Variants in CENPP observed in about 807,000 individuals in gnomAD.
The protein encoded by CENPP is centromere protein P.
CENPP carries 24 observed loss-of-function variants against 35.6 expected under a neutral mutation model. The ratio of observed to expected loss-of-function variants is 0.67; its 90% CI spans 0.49 to 0.95. The LOEUF (loss-of-function observed/expected upper bound fraction) is 0.95. Among genes scored for constraint, CENPP ranks in the 40% least tolerant of loss-of-function variants. The pLI is 0.00. For missense variants in CENPP, 332 were observed against 345.3 expected, an observed-to-expected ratio of 0.96 and a Z score of 0.31; for synonymous variants, 120 against 125.5, an observed-to-expected ratio of 0.96 and a Z score of 0.29.
chr9:92,393,237 G>C (rs769979522), intron 5 of CENPP: 1 of 1,565,902 alleles, frequency 6.4e-7, no homozygotes, highest in Admixed American at 1.9e-5. Context: ...GCAGACACGT[G>C]GGCATTTCTA....
intron 5 of CENPP, among the ~76,000 whole-genome samples, chr9:92,595,057 C>A (rs974214104): frequency 1.3e-5 from 2 of 151,922 alleles, no homozygotes; most frequent in African/African-American, 4.8e-5. Context: ...CCACCAAGCG[C>A]AGCTAATTTT....
At chr9:92,520,933 A>G (rs949884735) in intron 5 of CENPP, among the ~76,000 whole-genome samples, 3 of 152,204 alleles carry the variant, frequency 2.0e-5, no homozygotes, top group Non-Finnish European at 4.4e-5. Flanking sequence ...AGAACAGATT[A>G]GTGGTTGCCA....
At chr9:92,400,300 C>T (rs1843058219) in intron 5 of CENPP, among the ~76,000 whole-genome samples, 1 of 152,144 alleles carries the variant, frequency 6.6e-6, no homozygotes, top group South Asian at 2.1e-4. Flanking sequence ...CAGGCACCTG[C>T]CACCACGCCT....
chr9:92,472,771 G>A (rs1845573925), intron 5 of CENPP, among the ~76,000 whole-genome samples: 1 of 152,150 alleles, frequency 6.6e-6, no homozygotes, highest in Non-Finnish European at 1.5e-5. Flanking sequence ...GTGCAGTTTT[G>A]TTTGTTAGAA....
At chr9:92,390,978 A>C (rs750490997) in intron 5 of CENPP, among the ~76,000 whole-genome samples, 1 of 152,166 alleles carries the variant, frequency 6.6e-6, no homozygotes, top group Non-Finnish European at 1.5e-5. Flanking sequence ...TAAACAGCAA[A>C]ATCAGGCCAG....
At chr9:92,336,967 C>CAA (rs1840949706) in intron 2 of CENPP, among the ~76,000 whole-genome samples, 1 of 152,164 alleles carries the variant, frequency 6.6e-6, no homozygotes, top group Non-Finnish European at 1.5e-5. Context: ...TAACATGACT[C>CAA]AAATTTGTCT....
chr9:92,471,281 C>T lies in CENPP; in HGVS notation c.564+91422C>T, dbSNP rs866213444. On this transcript the variant is annotated intron_variant, in intron 5 of 7. Transcript: ENST00000375587. ...GCATGATCTTGGCTCACTGCAACCT[C>T]GGCCTCCCGGGTTCCAGCAGTTCTC... Among the ~76,000 whole-genome samples, 10 of 151,732 alleles carry T rather than the reference C, an allele frequency of 6.6e-5. No homozygotes were observed. In the South Asian group the frequency reaches 8.3e-4, roughly 13 times the overall value.
chr9:92,587,520 A>T (rs538027190), intron 5 of CENPP, among the ~76,000 whole-genome samples: 2 of 152,338 alleles, frequency 1.3e-5, no homozygotes, highest in African/African-American at 4.8e-5. Flanking sequence ...ATATAATGGA[A>T]TATTATTCAG....
At chr9:92,567,180 A>G (rs533949007) in intron 5 of CENPP, among the ~76,000 whole-genome samples, 83 of 152,220 alleles carry the variant, frequency 5.5e-4, no homozygotes, top group African/African-American at 1.9e-3. Context: ...TGAAAGGACC[A>G]TAGACAGCAA....
chr9:92,432,325 C>CAA (rs201796744), intron 5 of CENPP, among the ~76,000 whole-genome samples: 2 of 138,430 alleles, frequency 1.4e-5, no homozygotes, highest in South Asian at 2.3e-4. Context: ...AACTCCATCT[C>CAA]AAAAAAAAAA....
At chr9:92,581,443 A>G (rs568402193) in intron 5 of CENPP, among the ~76,000 whole-genome samples, 2 of 152,226 alleles carry the variant, frequency 1.3e-5, no homozygotes, top group Non-Finnish European at 2.9e-5. Flanking sequence ...GCAGTGACCA[A>G]AGATGAAACG....
chr9:92,353,005 T>C (rs1841503350), intron 4 of CENPP, among the ~76,000 whole-genome samples: 1 of 152,080 alleles, frequency 6.6e-6, no homozygotes, highest in African/African-American at 2.4e-5. Flanking sequence ...ACAATAATAG[T>C]CATAATTGTG....
rs762694663 is a variant in CENPP at position 92,403,325 on chromosome 9, C to T, written c.564+23466C>T. On this transcript the variant is annotated intron_variant, in intron 5 of 7. Transcript: ENST00000375587. ...ATCTGTTCCATAATCATAGATAATGCGTGAGTCCTGCTGGGTTGGTGGTGC... is the reference window on the plus strand; with the variant it reads ...ATCTGTTCCATAATCATAGATAATGTGTGAGTCCTGCTGGGTTGGTGGTGC... 13 of 1,612,972 alleles carry T rather than the reference C, an allele frequency of 8.1e-6. No homozygotes were observed. The highest frequency in any genetic ancestry group is 6.7e-5 in the East Asian group (3 of 44,858).
chr9:92,390,322 C>A (rs192277128), intron 5 of CENPP, among the ~76,000 whole-genome samples: 7 of 152,298 alleles, frequency 4.6e-5, no homozygotes, highest in African/African-American at 1.7e-4. Flanking sequence ...TCATCTTTCT[C>A]TGTTCAAATT....
intron 4 of CENPP, among the ~76,000 whole-genome samples, chr9:92,366,921 G>A (rs1195481575): frequency 6.6e-6 from 1 of 152,150 alleles, no homozygotes; most frequent in Non-Finnish European, 1.5e-5. Flanking sequence ...TTGCCGACAT[G>A]ATTCCTTAAG....
At chr9:92,399,588 C>T (rs1474850662) in intron 5 of CENPP, among the ~76,000 whole-genome samples, 1 of 152,124 alleles carries the variant, frequency 6.6e-6, no homozygotes, top group East Asian at 1.9e-4. Context: ...ATTGTTGTCT[C>T]TGGATTTTGA....
chr9:92,353,335 C>T (rs1841511261), intron 4 of CENPP, among the ~76,000 whole-genome samples: 1 of 152,184 alleles, frequency 6.6e-6, no homozygotes, highest in Non-Finnish European at 1.5e-5. Context: ...GTTCAGCAAG[C>T]ACCTCAGGGG....
At chr9:92,601,265 T>C (rs939370511) in intron 5 of CENPP, among the ~76,000 whole-genome samples, 8 of 152,192 alleles carry the variant, frequency 5.3e-5, no homozygotes, top group Non-Finnish European at 7.4e-5. Context: ...CTTTCCATCC[T>C]GTATGTAATC....
chr9:92,407,750 G>C (rs1023314270), intron 5 of CENPP, among the ~76,000 whole-genome samples: 1 of 152,050 alleles, frequency 6.6e-6, no homozygotes, highest in African/African-American at 2.4e-5. Context: ...GGGACTACAG[G>C]CATGCACCAC....
Sources: gnomAD v4.1 joint callset for allele counts (sites outside exome capture counted in the v4.1 genomes callset) on GRCh38, gnomAD v4.1.1 for gene constraint, MANE v1.5 for transcripts, NCBI Gene and HGNC (gene_info 2026-07-23, HGNC 2026-07-21) for gene names.